MAPRE2: variants seen among roughly 807,000 people sequenced by gnomAD.
MAPRE2 encodes microtubule-associated protein RP/EB family member 2.
A neutral mutation model predicts 43.2 loss-of-function variants in MAPRE2; 13 were observed. That is an observed-to-expected ratio of 0.30 (90% CI 0.20 to 0.48). The LOEUF is 0.48. MAPRE2 is among the 20% of genes least tolerant of loss of function. MAPRE2 has a pLI of 0.99. For synonymous variants in MAPRE2, 135 were observed against 148.8 expected, an observed-to-expected ratio of 0.91 and a Z score of 0.68; for missense variants, 161 against 400.2, an observed-to-expected ratio of 0.40 and a Z score of 5.10.
chr18:35,133,258 T>A (rs1051763168), intron 6 of MAPRE2, among the ~76,000 whole-genome samples: 3 of 151,478 alleles, frequency 2.0e-5, no homozygotes, highest in African/African-American at 7.3e-5. Flanking sequence ...CTTTATCACT[T>A]TTTTTTTTCA....
chr18:35,085,031 G>C (rs1907804614), intron 2 of MAPRE2, among the ~76,000 whole-genome samples: 1 of 152,140 alleles, frequency 6.6e-6, no homozygotes, highest in Admixed American at 6.5e-5. Flanking sequence ...ACAACAAAAA[G>C]CTACTACTAA....
At chr18:35,051,820 T>G (rs1343233694) in intron 1 of MAPRE2, among the ~76,000 whole-genome samples, 2 of 152,216 alleles carry the variant, frequency 1.3e-5, no homozygotes, top group Admixed American at 6.5e-5. Flanking sequence ...AGGGTTCTTA[T>G]GCAGATTAAA....
intron 2 of MAPRE2, among the ~76,000 whole-genome samples, chr18:35,031,045 C>T (rs1008419246): frequency 2.6e-5 from 4 of 152,184 alleles, no homozygotes; most frequent in African/African-American, 4.8e-5. Context: ...TTTAAAATTA[C>T]AACACCCTTC....
At chr18:35,078,928 G>T (rs1363847262) in intron 2 of MAPRE2, among the ~76,000 whole-genome samples, 1 of 152,140 alleles carries the variant, frequency 6.6e-6, no homozygotes, top group Non-Finnish European at 1.5e-5. Flanking sequence ...GCTGCAAGTA[G>T]AGTGGGGAAA....
intron 4 of MAPRE2, among the ~76,000 whole-genome samples, chr18:35,122,723 C>T (rs767239254): frequency 2.0e-5 from 3 of 152,194 alleles, no homozygotes; most frequent in Non-Finnish European, 2.9e-5. Context: ...TCATCGCCTG[C>T]ACCTCTCTCA....
At chr18:35,045,956 G>T (rs1180815389) in intron 1 of MAPRE2, among the ~76,000 whole-genome samples, 1 of 152,136 alleles carries the variant, frequency 6.6e-6, no homozygotes, top group Non-Finnish European at 1.5e-5. Flanking sequence ...ATGGTCTTCC[G>T]GGTGCTCTTG....
chr18:35,043,717 G>A (rs1369300891), intron 1 of MAPRE2, among the ~76,000 whole-genome samples: 2 of 152,184 alleles, frequency 1.3e-5, no homozygotes, highest in South Asian at 2.1e-4. Context: ...ATGATATAGC[G>A]AGAGGTGTCA....
Position 35,052,354 on chromosome 18 carries a change from A to G in MAPRE2, c.122+10693A>G, listed in dbSNP as rs150360851. Among the ~76,000 whole-genome samples the G allele has an allele frequency of 3.3e-3, 504 of 152,348 alleles. 3 individuals carry two copies. The highest frequency in any genetic ancestry group is 4.9e-3 in the Non-Finnish European group (330 of 68,022). On this transcript the variant is annotated intron_variant, in intron 1 of 6. Coordinates refer to ENST00000300249, the MANE Select transcript of MAPRE2 (RefSeq NM_014268.4). The stretch of plus-strand genomic sequence containing the variant: ...CATTAGTGTCTGACTACTTTGACTC[A>G]GCACAATGATTTTAAGATTCATCCA...
At chr18:34,990,131 A>C (rs1007494869) in intron 1 of MAPRE2, among the ~76,000 whole-genome samples, 2 of 152,190 alleles carry the variant, frequency 1.3e-5, no homozygotes, top group Admixed American at 1.3e-4. Context: ...TTGCAATGAG[A>C]ATCTTCTTGT....
intron 1 of MAPRE2, among the ~76,000 whole-genome samples, chr18:34,993,471 C>T (rs1024538184): frequency 2.0e-5 from 3 of 152,072 alleles, no homozygotes; most frequent in Non-Finnish European, 2.9e-5. Context: ...AGACTTAAAA[C>T]ACAGGGAGTG....
At position 34,994,132 on chromosome 18, in the gene MAPRE2, G is replaced by A. The variant is rs1040119632; in HGVS notation, c.-69-11360G>A. Among the ~76,000 whole-genome samples the A allele has an allele frequency of 5.3e-5, 8 of 151,832 alleles. No homozygotes were observed. In the East Asian group the frequency reaches 1.5e-3, roughly 29 times the overall value. The stretch of plus-strand genomic sequence containing the variant: ...CTCTCCAGTACATTGTACTAACTGG[G>A]AGGATGGGGAGACATTTGCTGTCCC... On this transcript the variant is annotated intron_variant, in intron 1 of 7. Coordinates refer to the MAPRE2 transcript ENST00000413393.
chr18:35,002,981 A>G (rs907007140), intron 1 of MAPRE2, among the ~76,000 whole-genome samples: 2 of 152,128 alleles, frequency 1.3e-5, no homozygotes, highest in African/African-American at 4.8e-5. Context: ...CCCCGATCCT[A>G]AAGATTTTCT....
chr18:34,993,886 T>C (rs679102), intron 1 of MAPRE2, among the ~76,000 whole-genome samples: 149,067 of 152,278 alleles, frequency 0.98, 73,055 homozygotes, highest in East Asian at 1. Flanking sequence ...ATTATTTATG[T>C]CGAATAACAA....
chr18:35,123,426 T>C (rs996559736), intron 4 of MAPRE2, among the ~76,000 whole-genome samples: 14 of 152,240 alleles, frequency 9.2e-5, no homozygotes, highest in Middle Eastern at 3.4e-3. Context: ...CCAGGGTGGG[T>C]GGGTCGTCAC....
At chr18:35,109,893 T>A (rs975649062) in intron 4 of MAPRE2, among the ~76,000 whole-genome samples, 1 of 152,150 alleles carries the variant, frequency 6.6e-6, no homozygotes, top group Non-Finnish European at 1.5e-5. Flanking sequence ...CCTCTGTTTC[T>A]TGTTTTGTTG....
upstream of MAPRE2, among the ~76,000 whole-genome samples, chr18:35,038,238 C>T (rs1210085976): frequency 1.3e-5 from 2 of 152,200 alleles, no homozygotes; most frequent in African/African-American, 4.8e-5. Context: ...CTGATAGCAA[C>T]ATCTCCTCCA....
chr18:35,130,332 A>G (rs557915862), intron 5 of MAPRE2, among the ~76,000 whole-genome samples: 1 of 152,286 alleles, frequency 6.6e-6, no homozygotes, highest in East Asian at 1.9e-4. Context: ...TTTTTTGTAC[A>G]TCTTACAAAT....
intron 4 of MAPRE2, among the ~76,000 whole-genome samples, chr18:35,118,404 A>G (rs1238141150): frequency 6.6e-6 from 1 of 152,178 alleles, no homozygotes; most frequent in African/African-American, 2.4e-5. Context: ...TGATCACAGA[A>G]TGTCTTTTTG....
At chr18:34,993,620 T>C (rs2097024919) in intron 1 of MAPRE2, among the ~76,000 whole-genome samples, 1 of 152,164 alleles carries the variant, frequency 6.6e-6, no homozygotes. Flanking sequence ...TTTCTTCTCT[T>C]ATGGCCCTGG....
Sources: gnomAD v4.1 joint callset for allele counts (sites outside exome capture counted in the v4.1 genomes callset) on GRCh38, gnomAD v4.1.1 for gene constraint, MANE v1.5 for transcripts, NCBI Gene and HGNC (gene_info 2026-07-23, HGNC 2026-07-21) for gene names.